QTGAL: variants seen among roughly 807,000 people sequenced by gnomAD.
QTGAL encodes the protein queuosine-tRNA galactosyltransferase.
chr17:82,998,590 C>T, the QTGAL span, among the ~76,000 whole-genome samples: 1 of 152,088 alleles, frequency 6.6e-6, no homozygotes, highest in Admixed American at 6.5e-5. Flanking sequence ...CATGATCCAC[C>T]CACCTTGGCC....
chr17:82,986,219 G>A, the QTGAL span, among the ~76,000 whole-genome samples: 1 of 152,194 alleles, frequency 6.6e-6, no homozygotes, highest in Non-Finnish European at 1.5e-5. Flanking sequence ...GCTGCCGCCG[G>A]TGCAGACAGG....
chr17:82,942,293 T>C, the QTGAL span: 2 of 1,043,304 alleles, frequency 1.9e-6, no homozygotes, highest in Non-Finnish European at 2.8e-6. Context: ...GTCAGCCACA[T>C]AGCTCAGGCT....
At chr17:82,977,785 G>C in the QTGAL span, among the ~76,000 whole-genome samples, 61 of 152,176 alleles carry the variant, frequency 4.0e-4, 1 homozygote, top group Non-Finnish European at 6.5e-4. Flanking sequence ...GGGACCGAGG[G>C]GGGTGGAACG....
At chr17:82,952,339 C>A in the QTGAL span, among the ~76,000 whole-genome samples, 1 of 152,174 alleles carries the variant, frequency 6.6e-6, no homozygotes, top group Non-Finnish European at 1.5e-5. Context: ...TGGGGCCTGG[C>A]TCACTCTATC....
At chr17:83,050,281 A>G in the QTGAL span, among the ~76,000 whole-genome samples, 1 of 152,176 alleles carries the variant, frequency 6.6e-6, no homozygotes. Context: ...GAGGCAGGAG[A>G]AACGCTTGAA....
the QTGAL span, chr17:83,014,648 C>T: frequency 8.1e-6 from 8 of 988,088 alleles, no homozygotes; most frequent in African/African-American, 3.2e-5. Context: ...CTCAAACTCC[C>T]GGCTTCAACT....
chr17:82,998,481 G>C, the QTGAL span, among the ~76,000 whole-genome samples: 1 of 152,120 alleles, frequency 6.6e-6, no homozygotes, highest in African/African-American at 2.4e-5. Context: ...GAGTAGCTGG[G>C]ACTACAGGCG....
At chr17:83,008,370 A>G in the QTGAL span, among the ~76,000 whole-genome samples, 2 of 152,382 alleles carry the variant, frequency 1.3e-5, no homozygotes, top group South Asian at 2.1e-4. Flanking sequence ...CCAACAAGCA[A>G]TCTTGGAACT....
the QTGAL span, among the ~76,000 whole-genome samples, chr17:82,989,473 T>TTC: frequency 1.4e-5 from 2 of 140,312 alleles, no homozygotes; most frequent in Non-Finnish European, 3.0e-5. Flanking sequence ...GTACCCCCCA[T>TTC]TCTGCACATG....
At chr17:82,950,968 G>A in the QTGAL span, among the ~76,000 whole-genome samples, 5 of 152,176 alleles carry the variant, frequency 3.3e-5, no homozygotes, top group African/African-American at 4.8e-5. Flanking sequence ...TCAGAATGGC[G>A]ACCACTGCCT....
At chr17:82,956,870 G>T in the QTGAL span, 1 of 1,346,088 alleles carries the variant, frequency 7.4e-7, no homozygotes, top group Non-Finnish European at 1.0e-6. The surrounding 1 kb of genome is among the most constrained non-coding windows in gnomAD (Gnocchi z 5.7). Context: ...TCACACAGGA[G>T]CCAGGGCTTG....
the QTGAL span, among the ~76,000 whole-genome samples, chr17:83,002,370 G>A: frequency 1.3e-5 from 2 of 152,170 alleles, no homozygotes; most frequent in East Asian, 3.9e-4. Flanking sequence ...ACGCCGAACC[G>A]CATTCCGGTT....
chr17:82,982,949 TG>T, the QTGAL span, among the ~76,000 whole-genome samples: 3 of 151,872 alleles, frequency 2.0e-5, no homozygotes, highest in Non-Finnish European at 2.9e-5. Context: ...GTGGAGGAGA[TG>T]GGGGGTACAT....
At chr17:83,001,081 G>C in the QTGAL span, among the ~76,000 whole-genome samples, 2 of 152,224 alleles carry the variant, frequency 1.3e-5, no homozygotes, top group East Asian at 3.8e-4. Context: ...ATTTGAAATA[G>C]GGGCCATTTG....
the QTGAL span, among the ~76,000 whole-genome samples, chr17:83,047,336 CCTAATA>C: frequency 6.6e-6 from 1 of 152,200 alleles, no homozygotes; most frequent in African/African-American, 2.4e-5. Flanking sequence ...CTAATGTCAT[CCTAATA>C]CTATCACCCT....
the QTGAL span, among the ~76,000 whole-genome samples, chr17:83,051,300 G>A: frequency 6.7e-6 from 1 of 148,720 alleles, no homozygotes; most frequent in Non-Finnish European, 1.5e-5. Context: ...GCAGGAGCGA[G>A]GCGGGAGCGA....
At chr17:83,045,217 G>C in the QTGAL span, among the ~76,000 whole-genome samples, 6 of 152,184 alleles carry the variant, frequency 3.9e-5, no homozygotes, top group African/African-American at 1.4e-4. Context: ...AAACAATGAG[G>C]TACTGGCGTA....
At chr17:83,034,254 T>C in the QTGAL span, among the ~76,000 whole-genome samples, 1 of 152,268 alleles carries the variant, frequency 6.6e-6, no homozygotes, top group Non-Finnish European at 1.5e-5. Context: ...CTTAGTGTTT[T>C]CTTATCAACC....
the QTGAL span, among the ~76,000 whole-genome samples, chr17:83,049,971 A>G: frequency 7.9e-5 from 12 of 152,228 alleles, no homozygotes; most frequent in African/African-American, 2.9e-4. Context: ...CCCTTAATTT[A>G]TATCCAAAAA....
Sources: allele counts gnomAD v4.1 joint callset (sites outside exome capture counted in the v4.1 genomes callset), GRCh38; gene constraint gnomAD v4.1.1; non-coding constraint Gnocchi (gnomAD v3.1); transcripts MANE v1.5; gene names NCBI Gene and HGNC (gene_info 2026-07-23, HGNC 2026-07-21).